The following TTC14 variants were observed in gnomAD, a reference collection of about 807,000 sequenced individuals.
TTC14 encodes the protein tetratricopeptide repeat domain 14.
TTC14 carries 63 observed loss-of-function variants against 79.9 expected under a neutral mutation model. The observed-to-expected ratio is 0.79, with a 90% CI of 0.64 to 0.97. TTC14 has a LOEUF of 0.97. Among genes scored for constraint, TTC14 ranks in the 50% least tolerant of loss-of-function variants. The pLI is 0.00. For synonymous variants in TTC14, 335 were observed against 309.6 expected (o/e 1.08, Z -0.86); for missense variants, 895 against 894.0 (o/e 1.00, Z -0.01).
Position 180,602,433 on chromosome 3 carries a change from G to A in TTC14, c.161+11G>A, listed in dbSNP as rs781588178. On this transcript the variant is annotated intron_variant, in intron 1 of 11. Coordinates refer to ENST00000296015, the MANE Select transcript of TTC14 (RefSeq NM_133462.4). Reference sequence around the variant, plus strand: ...CCCGTTGCAGGGCAGGTAATGAGACGTTGGTGCCACTGCGCCACGGAAGAG... The same window carrying A: ...CCCGTTGCAGGGCAGGTAATGAGACATTGGTGCCACTGCGCCACGGAAGAG... The A allele has an allele frequency of 2.5e-6, 4 of 1,594,006 alleles. No individual in the cohort carries two copies. Among genetic ancestry groups the A allele is most frequent in the South Asian group, 1.1e-5 (1 of 90,032 alleles).
downstream of TTC14, chr3:180,614,774 C>A (rs773632317): frequency 1.6e-6 from 1 of 630,202 alleles, no homozygotes; most frequent in Non-Finnish European, 2.6e-6. Flanking sequence ...AAAATGAGAA[C>A]GTTCCTTTTT....
chr3:180,611,690 G>C (rs1717001826), downstream of TTC14, among the ~76,000 whole-genome samples: 1 of 152,114 alleles, frequency 6.6e-6, no homozygotes, highest in African/African-American at 2.4e-5. Flanking sequence ...ATAGGTACTG[G>C]GTTTATGATG....
downstream of TTC14, among the ~76,000 whole-genome samples, chr3:180,611,947 A>T (rs916258277): frequency 2.6e-5 from 4 of 152,230 alleles, no homozygotes; most frequent in Non-Finnish European, 4.4e-5. Flanking sequence ...TCCAGTAATG[A>T]GAGCCTAGTG....
At chr3:180,615,195 T>C, downstream of TTC14, 1 of 671,488 alleles carries the variant, frequency 1.5e-6, no homozygotes, top group Non-Finnish European at 2.4e-6. Context: ...AAAGTACATA[T>C]TAATAGTGTT....
rs1393952331 is a variant in TTC14 at position 180,605,838 on chromosome 3, G to T, written c.929+1G>T. Reference sequence around the variant, plus strand: ...AATCCGCATCTTGGGCTTTAAAATGGTATGAAGACTGTCTTTCAACAATTG... The same window carrying T: ...AATCCGCATCTTGGGCTTTAAAATGTTATGAAGACTGTCTTTCAACAATTG... On this transcript the variant is annotated splice_donor_variant, in intron 7 of 11. Coordinates refer to ENST00000296015, the MANE Select transcript of TTC14 (RefSeq NM_133462.4). LOFTEE classifies it high-confidence loss of function. The T allele has an allele frequency of 6.3e-7, 1 of 1,577,062 alleles. No homozygotes were observed. The highest frequency in any genetic ancestry group is 8.5e-7 in the Non-Finnish European group (1 of 1,170,228).
At chr3:180,606,628 G>C (rs774752130) in intron 9 of TTC14, 25 bp downstream of exon 9, 19 of 1,597,062 alleles carry the variant, frequency 1.2e-5, no homozygotes, top group Non-Finnish European at 1.6e-5. Context: ...TTGTTTAATA[G>C]TGGAGGTCTA....
chr3:180,603,180 C>G lies in TTC14; in HGVS notation c.343C>G (p.Arg115Gly). 1 of 1,613,764 alleles carries G rather than the reference C, an allele frequency of 6.2e-7. No individual in the cohort carries two copies. The highest frequency in any genetic ancestry group is 8.5e-7 in the Non-Finnish European group (1 of 1,179,972). The change falls in exon 3 of 12, where the codon CGG (arginine) becomes GGG (glycine). Residue 115 changes from arginine to glycine, a missense_variant. Transcript: ENST00000296015. ...ATTCATGGAGATACCTAGTATGGAT[C>G]GGAGAGAGCTGTTTTTCCGAGATAT... is the stretch of plus-strand genomic sequence containing the variant. The part of the protein sequence containing the change: ...EQFMEIPSMD[R>G]RELFFRDIER...
At chr3:180,608,018 AGG>A in intron 10 of TTC14, 1 of 1,188,494 alleles carries the variant, frequency 8.4e-7, no homozygotes, top group Non-Finnish European at 1.0e-6. Flanking sequence ...ATGTCCTTAT[AGG>A]GAGCTCACCT....
chr3:180,602,227 A>C lies in TTC14; in HGVS notation c.-35A>C, dbSNP rs1394357347. On this transcript the variant is annotated 5_prime_UTR_variant, in exon 1 of 12. Coordinates refer to ENST00000296015, the MANE Select transcript of TTC14 (RefSeq NM_133462.4). Reference sequence around the variant, plus strand: ...AGCGGACACGGAACAGGGAACTATCAGCCCGTCGGCCTCCGGGCCCTGCAT... The same window carrying C: ...AGCGGACACGGAACAGGGAACTATCCGCCCGTCGGCCTCCGGGCCCTGCAT... 1 of 1,609,898 alleles carries C rather than the reference A, an allele frequency of 6.2e-7. No individual in the cohort carries two copies. Among genetic ancestry groups the C allele is most frequent in the Non-Finnish European group, 8.5e-7 (1 of 1,178,058 alleles).
At chr3:180,607,871 GA>G (rs750359149) in intron 10 of TTC14, 106 bp downstream of exon 10, 687 of 1,510,770 alleles carry the variant, frequency 4.5e-4, no homozygotes, top group Non-Finnish European at 5.9e-4. Context: ...AAGGCATTAT[GA>G]AAAGTTTCTT....
chr3:180,606,728 T>G (rs992725010), intron 9 of TTC14, 125 bp downstream of exon 9: 1 of 1,196,178 alleles, frequency 8.4e-7, no homozygotes, highest in Non-Finnish European at 1.1e-6. Flanking sequence ...AATAAATAAA[T>G]GGGAAAGTAC....
At position 180,608,721 on chromosome 3, in the gene TTC14, AAAAC is replaced by A. The variant is rs755709254; in HGVS notation, c.1314_1317del (p.Gln439LeufsTer12). The stretch of plus-strand genomic sequence containing the variant: ...AAAAGAAATCTTTGGAATTAAGAGA[AAAAC>A]AAGCTGAAAAGGAAGAAAAGCAGAA... On this transcript the variant is annotated frameshift_variant, in exon 11 of 12. Coordinates refer to ENST00000296015, the MANE Select transcript of TTC14 (RefSeq NM_133462.4). LOFTEE classifies it high-confidence loss of function. The A allele has an allele frequency of 3.9e-6, 6 of 1,543,588 alleles. No individual in the cohort carries two copies. In the East Asian group the frequency reaches 1.4e-4, roughly 36 times the overall value.
Position 180,616,990 on chromosome 3 carries a change from A to G in TTC14, c.1775-390A>G, listed in dbSNP as rs116499357. The G allele has an allele frequency of 2.4e-3, 2,854 of 1,179,482 alleles. 39 individuals are homozygous for G. The African/African-American group carries it at 0.028, about 12-fold the overall frequency. The allele number at this position is 1,179,482 out of a possible 1,614,324, so 73.1% of individuals were successfully genotyped here. ...CTCTGTAGAAAAAATATTAACATGT[A>G]TTTTTTAGAATCAGAAATTGACTTT... is the stretch of plus-strand genomic sequence containing the variant. On this transcript the variant is annotated intron_variant, in intron 12 of 12. Coordinates refer to the TTC14 transcript ENST00000382584.
rs560592977 is a variant in TTC14 at position 180,610,705 on chromosome 3, G to A, written c.*163G>A. 1 of 1,360,112 alleles carries A rather than the reference G, an allele frequency of 7.4e-7. No individual in the cohort carries two copies. Among genetic ancestry groups the A allele is most frequent in the African/African-American group, 1.5e-5 (1 of 68,144 alleles). The allele number at this position is 1,360,112 out of a possible 1,614,324, so 84.3% of individuals were successfully genotyped here. ...TAAGTTTTTCTCAAATTTTGTTTCA[G>A]TTCTAGGTCCCTTGTCACAGCTTGG... On this transcript the variant is annotated 3_prime_UTR_variant, in exon 12 of 12. Coordinates refer to ENST00000296015, the MANE Select transcript of TTC14 (RefSeq NM_133462.4).
chr3:180,607,839 A>G (rs1054528787), intron 10 of TTC14, 74 bp downstream of exon 10: 1 of 1,582,814 alleles, frequency 6.3e-7, no homozygotes, highest in Admixed American at 1.9e-5. Flanking sequence ...TCCTGAGGAA[A>G]ACTATTCTAC....
chr3:180,603,682 G>A, intron 3 of TTC14: 1 of 245,840 alleles, frequency 4.1e-6, no homozygotes, highest in Non-Finnish European at 8.0e-6. Context: ...TTTTCATGTG[G>A]ATAATTTGGA....
chr3:180,617,668 G>T, exon 13 of TTC14: 2 of 396,386 alleles, frequency 5.0e-6, no homozygotes, highest in Admixed American at 8.8e-5. Context: ...AGGATATAAA[G>T]AATATTTTTG....
At chr3:180,617,960 GT>G (rs1311420731), downstream of TTC14, 1 of 152,962 alleles carries the variant, frequency 6.5e-6, no homozygotes, top group African/African-American at 2.4e-5. Context: ...TTTATGGTAA[GT>G]GCCCTGTACA....
chr3:180,612,114 A>G (rs1717016740), downstream of TTC14, among the ~76,000 whole-genome samples: 3 of 152,228 alleles, frequency 2.0e-5, no homozygotes, highest in Admixed American at 1.3e-4. Context: ...AGAGTCCTTA[A>G]TAATTCTATG....
Sources: allele counts gnomAD v4.1 joint callset (sites outside exome capture counted in the v4.1 genomes callset), GRCh38; gene constraint gnomAD v4.1.1; transcripts MANE v1.5; gene names NCBI Gene and HGNC (gene_info 2026-07-23, HGNC 2026-07-21).